The following KCNJ16 variants were observed in gnomAD, a reference collection of about 807,000 sequenced individuals.
The protein encoded by KCNJ16 is potassium inwardly rectifying channel subfamily J member 16.
A neutral mutation model predicts 18.5 loss-of-function variants in KCNJ16; 15 were observed. That is an observed-to-expected ratio of 0.81 (90% CI 0.54 to 1.25). The LOEUF is 1.25. Among genes scored for constraint, KCNJ16 ranks in the 50% most tolerant of loss-of-function variants. KCNJ16 has a pLI of 0.00. For synonymous variants in KCNJ16, 174 were observed against 186.5 expected (o/e 0.93, Z 0.55); for missense variants, 523 against 525.7 (o/e 0.99, Z 0.05).
chr17:70,090,380 C>T (rs945341576), intron 1 of KCNJ16, among the ~76,000 whole-genome samples: 1 of 152,154 alleles, frequency 6.6e-6, no homozygotes, highest in Admixed American at 6.5e-5. Context: ...TAACATTGCA[C>T]ACATTATTTG....
rs577662810 is a variant in KCNJ16, at chr17:70,133,630, A to G, written c.*286A>G. 1.6e-3 allele frequency: 418 copies of G among 264,502 alleles called. No homozygotes were observed. In the South Asian group the frequency reaches 0.018, roughly 11 times the overall value. The allele number at this position is 264,502 out of a possible 1,614,324, so 16.4% of individuals were successfully genotyped here. A position where few individuals can be genotyped will look rare whatever the true frequency, so the allele number is the denominator to read the frequency against. ...TGCTTGTATCTTCAGTTGGAGGTGT[A>G]GTATTCAAAAACGGGGAATGAAGGC... On this transcript the variant is annotated 3_prime_UTR_variant, in exon 4 of 4. Transcript: ENST00000392671.
intron 1 of KCNJ16, among the ~76,000 whole-genome samples, chr17:70,086,239 A>G (rs2071790915): frequency 6.6e-6 from 1 of 152,208 alleles, no homozygotes; most frequent in Non-Finnish European, 1.5e-5. Flanking sequence ...TTTATTTTTT[A>G]TTACAATTAG....
chr17:70,091,178 C>T (rs1386193207), intron 1 of KCNJ16, among the ~76,000 whole-genome samples: 1 of 152,174 alleles, frequency 6.6e-6, no homozygotes. Context: ...ATGAGTAGGT[C>T]CTCCTCAGAA....
At chr17:70,106,381 A>G (rs1567791650) in intron 2 of KCNJ16, among the ~76,000 whole-genome samples, 1 of 152,124 alleles carries the variant, frequency 6.6e-6, no homozygotes, top group Admixed American at 6.6e-5. Context: ...ATATTATTTA[A>G]TTTCATTTGA....
At chr17:70,093,321 C>G (rs1157504741) in intron 1 of KCNJ16, among the ~76,000 whole-genome samples, 1 of 152,192 alleles carries the variant, frequency 6.6e-6, no homozygotes, top group African/African-American at 2.4e-5. Flanking sequence ...TCTGAAGCCT[C>G]TAAGGGAGAA....
At chr17:70,106,966 A>C (rs1472038308) in intron 2 of KCNJ16, among the ~76,000 whole-genome samples, 1 of 152,184 alleles carries the variant, frequency 6.6e-6, no homozygotes, top group Non-Finnish European at 1.5e-5. Flanking sequence ...ATCTGCTTTA[A>C]AGTGGCTTTT....
chr17:70,106,980 T>G (rs1020235286), intron 2 of KCNJ16, among the ~76,000 whole-genome samples: 23 of 152,344 alleles, frequency 1.5e-4, no homozygotes, highest in African/African-American at 5.3e-4. Context: ...GGCTTTTTCC[T>G]GATGGTTTCT....
intron 2 of KCNJ16, among the ~76,000 whole-genome samples, chr17:70,113,985 C>T (rs1282660253): frequency 6.6e-6 from 1 of 152,116 alleles, no homozygotes; most frequent in Non-Finnish European, 1.5e-5. Context: ...TCTCATGTGA[C>T]AAGCAACATA....
chr17:70,104,180 G>A (rs2072804248), intron 2 of KCNJ16, among the ~76,000 whole-genome samples: 1 of 151,922 alleles, frequency 6.6e-6, no homozygotes, highest in Admixed American at 6.6e-5. Context: ...TGCCCAGGTT[G>A]GTCTTAAACT....
At chr17:70,093,082 T>C (rs904533165) in intron 1 of KCNJ16, among the ~76,000 whole-genome samples, 3 of 152,016 alleles carry the variant, frequency 2.0e-5, no homozygotes, top group African/African-American at 7.3e-5. Context: ...TTTGCAAAGG[T>C]TGAAAGTTAG....
At chr17:70,108,067 C>G (rs977119573) in intron 2 of KCNJ16, among the ~76,000 whole-genome samples, 1 of 152,094 alleles carries the variant, frequency 6.6e-6, no homozygotes, top group East Asian at 1.9e-4. Flanking sequence ...ATTCTAGCCC[C>G]GCCCTTTGTA....
chr17:70,119,006 C>T (rs1335003057), intron 2 of KCNJ16, among the ~76,000 whole-genome samples: 1 of 152,204 alleles, frequency 6.6e-6, no homozygotes, highest in Non-Finnish European at 1.5e-5. Context: ...ATTGTACAAA[C>T]AGGCGTTGGA....
intron 1 of KCNJ16, among the ~76,000 whole-genome samples, chr17:70,086,056 A>G (rs928669604): frequency 1.2e-4 from 19 of 152,204 alleles, no homozygotes; most frequent in African/African-American, 3.6e-4. Context: ...GAAAATGTCA[A>G]TAAAATTAGA....
chr17:70,088,433 G>A (rs935833202), intron 1 of KCNJ16, among the ~76,000 whole-genome samples: 9 of 152,216 alleles, frequency 5.9e-5, no homozygotes, highest in African/African-American at 2.2e-4. Context: ...ACCGCCTGCT[G>A]TGCGGCCCGG....
At position 70,133,355 on chromosome 17, in the gene KCNJ16, C is replaced by T; in HGVS notation, c.*11C>T. ...GAATCCCAAATGTAGTCCTAAATTG[C>T]AATTATGAGGGCTACCACTGAATCA... On this transcript the variant is annotated 3_prime_UTR_variant, in exon 4 of 4. Coordinates refer to ENST00000392671, the MANE Select transcript of KCNJ16 (RefSeq NM_170741.4). 2.5e-6 allele frequency: 4 copies of T among 1,597,442 alleles called. No homozygotes were observed. The highest frequency in any genetic ancestry group is 3.4e-6 in the Non-Finnish European group (4 of 1,169,230).
intron 2 of KCNJ16, chr17:70,128,994 G>C (rs971819096): frequency 6.6e-6 from 1 of 152,286 alleles, no homozygotes; most frequent in East Asian, 1.9e-4. Context: ...CAGCGGGTAC[G>C]TGTCTTCCGG....
chr17:70,130,987 A>G lies in KCNJ16; in HGVS notation c.-94+12A>G, dbSNP rs1025197614. On this transcript the variant is annotated intron_variant, in intron 3 of 3. Coordinates refer to ENST00000392671, the MANE Select transcript of KCNJ16 (RefSeq NM_170741.4). ...GGATGCTAAAAATGGTAAGAGCTGCATGTTCTGCCTTGATGTTTTCAAGAC... is the reference window on the plus strand; with the variant it reads ...GGATGCTAAAAATGGTAAGAGCTGCGTGTTCTGCCTTGATGTTTTCAAGAC... 2.0e-6 allele frequency: 3 copies of G among 1,535,106 alleles called. No homozygotes were observed. The highest frequency in any genetic ancestry group is 1.4e-5 in the African/African-American group (1 of 73,010).
chr17:70,102,969 C>T, intron 2 of KCNJ16, among the ~76,000 whole-genome samples: 1 of 151,546 alleles, frequency 6.6e-6, no homozygotes, highest in Non-Finnish European at 1.5e-5. Flanking sequence ...GGGTCTCACT[C>T]TGCCGCTCTG....
intron 2 of KCNJ16, among the ~76,000 whole-genome samples, chr17:70,114,025 C>A (rs74789213): frequency 0.05 from 7,652 of 152,122 alleles, 251 homozygotes; most frequent in Non-Finnish European, 0.077. Flanking sequence ...AAGATGCTAT[C>A]TATCTGGATC....
Sources: allele counts gnomAD v4.1 joint callset (sites outside exome capture counted in the v4.1 genomes callset), GRCh38; gene constraint gnomAD v4.1.1; transcripts MANE v1.5; gene names NCBI Gene and HGNC (gene_info 2026-07-23, HGNC 2026-07-21).